CNTN5: variants seen among roughly 807,000 people sequenced by gnomAD.
CNTN5 encodes contactin 5.
In CNTN5, 77 loss-of-function variants were observed where a neutral mutation model predicts 129.1. That is an observed-to-expected ratio of 0.60 (90% confidence interval 0.50 to 0.72). The LOEUF (loss-of-function observed/expected upper bound fraction) is 0.72, where lower values mean the gene tolerates loss of function less well. Among genes scored for constraint, CNTN5 ranks in the 30% least tolerant of loss-of-function variants. The pLI is 0.00. For synonymous variants in CNTN5, 509 were observed against 465.6 expected, an observed-to-expected ratio of 1.09 and a Z score of -1.20; for missense variants, 1,478 against 1,328.8, an observed-to-expected ratio of 1.11 and a Z score of -1.75.
chr11:99,876,490 G>A (rs561806298), intron 6 of CNTN5, among the ~76,000 whole-genome samples: 13 of 152,170 alleles, frequency 8.5e-5, no homozygotes, highest in African/African-American at 1.9e-4. Flanking sequence ...TGATCCAGCC[G>A]CACTATATGT....
intron 1 of CNTN5, among the ~76,000 whole-genome samples, chr11:99,075,637 T>C (rs1337118258): frequency 6.6e-6 from 1 of 152,204 alleles, no homozygotes; most frequent in African/African-American, 2.4e-5. Flanking sequence ...ATAAATATTA[T>C]TTATTTAGCA....
At chr11:99,892,215 T>G (rs910032817) in intron 6 of CNTN5, among the ~76,000 whole-genome samples, 2 of 152,202 alleles carry the variant, frequency 1.3e-5, no homozygotes, top group Admixed American at 6.5e-5. Flanking sequence ...CTTTGTAAAT[T>G]CTGGATATTA....
intron 3 of CNTN5, among the ~76,000 whole-genome samples, chr11:99,628,474 T>C (rs1045971406): frequency 6.6e-6 from 1 of 152,062 alleles, no homozygotes; most frequent in African/African-American, 2.4e-5. Flanking sequence ...CAATGCTTTG[T>C]AAAACTGGTC....
chr11:99,247,041 C>G (rs1861845341), intron 1 of CNTN5, among the ~76,000 whole-genome samples: 1 of 152,068 alleles, frequency 6.6e-6, no homozygotes, highest in Non-Finnish European at 1.5e-5. Context: ...GTCAGAAAGT[C>G]AAAATGACAT....
intron 2 of CNTN5, among the ~76,000 whole-genome samples, chr11:99,429,730 G>C (rs910280653): frequency 1.3e-5 from 2 of 152,098 alleles, no homozygotes; most frequent in African/African-American, 4.8e-5. Context: ...CCAAAAAGGA[G>C]AGATCATGGG....
intron 2 of CNTN5, among the ~76,000 whole-genome samples, chr11:99,443,811 T>C (rs974278503): frequency 1.1e-4 from 16 of 152,300 alleles, no homozygotes; most frequent in African/African-American, 3.6e-4. Flanking sequence ...CTGAAACAGA[T>C]AGGAATGCCA....
chr11:100,050,187 G>A (rs556882563), intron 9 of CNTN5, among the ~76,000 whole-genome samples: 1 of 152,270 alleles, frequency 6.6e-6, no homozygotes, highest in Non-Finnish European at 1.5e-5. Flanking sequence ...TATGTTTATT[G>A]TGGCACTATT....
chr11:99,977,237 T>C (rs1565745929), intron 8 of CNTN5, among the ~76,000 whole-genome samples: 1 of 152,198 alleles, frequency 6.6e-6, no homozygotes, highest in African/African-American at 2.4e-5. Context: ...TTATTGTCCA[T>C]ATCACTATCA....
chr11:100,270,937 T>G (rs1950396455), intron 17 of CNTN5, among the ~76,000 whole-genome samples, 155 bp from the exon 18 acceptor site: 1 of 152,198 alleles, frequency 6.6e-6, no homozygotes, highest in South Asian at 2.1e-4. Context: ...TGATTTTCAT[T>G]TTACTAATGA....
At chr11:100,074,771 G>T (rs1944059859) in intron 13 of CNTN5, among the ~76,000 whole-genome samples, 1 of 152,064 alleles carries the variant, frequency 6.6e-6, no homozygotes, top group African/African-American at 2.4e-5. Flanking sequence ...AATAGTATAG[G>T]ATTATTTTTA....
At chr11:99,446,071 C>T (rs1443285069) in intron 2 of CNTN5, among the ~76,000 whole-genome samples, 2 of 131,434 alleles carry the variant, frequency 1.5e-5, no homozygotes, top group Non-Finnish European at 3.1e-5. Flanking sequence ...GGGAGAAGAG[C>T]GAGACTTTGT....
intron 2 of CNTN5, among the ~76,000 whole-genome samples, chr11:99,327,821 A>G (rs933504950): frequency 6.6e-6 from 1 of 152,244 alleles, no homozygotes; most frequent in African/African-American, 2.4e-5. Flanking sequence ...GGCAATATAT[A>G]TTAAAAGCGG....
chr11:99,329,170 T>C (rs1456988427), intron 2 of CNTN5, among the ~76,000 whole-genome samples: 1 of 152,162 alleles, frequency 6.6e-6, no homozygotes, highest in Non-Finnish European at 1.5e-5. Flanking sequence ...AAACTGAATT[T>C]GCCCAAAGCA....
intron 1 of CNTN5, among the ~76,000 whole-genome samples, chr11:99,124,295 G>A (rs1204093501): frequency 6.6e-6 from 1 of 151,926 alleles, no homozygotes; most frequent in Non-Finnish European, 1.5e-5. Context: ...TGGCAATTGT[G>A]AATGGGATTA....
At chr11:100,322,967 C>A (rs772603292) in intron 21 of CNTN5, among the ~76,000 whole-genome samples, 5 of 152,154 alleles carry the variant, frequency 3.3e-5, no homozygotes, top group Non-Finnish European at 7.3e-5. Flanking sequence ...GCCACTTAGT[C>A]AATCTCCTAT....
intron 2 of CNTN5, among the ~76,000 whole-genome samples, chr11:99,458,641 G>T (rs769114138): frequency 2.6e-5 from 4 of 151,952 alleles, no homozygotes; most frequent in Non-Finnish European, 5.9e-5. Context: ...AATACATAAA[G>T]TCCTTGAAAT....
At chr11:99,309,405 C>T (rs904324746) in intron 1 of CNTN5, among the ~76,000 whole-genome samples, 1 of 152,172 alleles carries the variant, frequency 6.6e-6, no homozygotes, top group Admixed American at 6.6e-5. Context: ...ACAGCGTATC[C>T]GCTAAAATCT....
chr11:99,846,946 T>C (rs948192549), intron 6 of CNTN5, among the ~76,000 whole-genome samples: 6 of 152,214 alleles, frequency 3.9e-5, no homozygotes, highest in African/African-American at 1.4e-4. Context: ...TATTATGTGG[T>C]GTATCACAGA....
intron 2 of CNTN5, among the ~76,000 whole-genome samples, chr11:99,507,164 T>A (rs772250224): frequency 6.6e-6 from 1 of 151,792 alleles, no homozygotes; most frequent in Non-Finnish European, 1.5e-5. Context: ...GATCATGAGG[T>A]CAAGAGCTCG....
Sources: gnomAD v4.1 joint callset for allele counts (sites outside exome capture counted in the v4.1 genomes callset) on GRCh38, gnomAD v4.1.1 for gene constraint, MANE v1.5 for transcripts, NCBI Gene and HGNC (gene_info 2026-07-23, HGNC 2026-07-21) for gene names.